Variants in SETBP1 observed in about 807,000 individuals in gnomAD.
SETBP1 encodes SET-binding protein.
In SETBP1, 9 loss-of-function variants were observed where a neutral mutation model predicts 101.0. That is an observed-to-expected ratio of 0.09 (90% CI 0.05 to 0.16). The LOEUF (loss-of-function observed/expected upper bound fraction) is 0.16. SETBP1 is among the 10% of genes least tolerant of loss of function. The probability of loss-of-function intolerance (pLI) is 1.00; values close to 1 mark genes in which losing one functional copy is unlikely to be tolerated. For synonymous variants in SETBP1, 818 were observed against 788.5 expected (o/e 1.04, Z -0.63); for missense variants, 1,858 against 2,033.8 (o/e 0.91, Z 1.66).
intron 3 of SETBP1, among the ~76,000 whole-genome samples, chr18:44,881,269 G>A (rs1206591516): frequency 6.6e-6 from 1 of 152,160 alleles, no homozygotes; most frequent in Non-Finnish European, 1.5e-5. Flanking sequence ...AATTAAATGA[G>A]CTTGATTCAC....
At position 44,792,492 on chromosome 18, in the gene SETBP1, C is replaced by T. The variant is rs577352731; in HGVS notation, c.487-76738C>T. Among the ~76,000 whole-genome samples, 4 of 152,298 alleles carry T rather than the reference C, an allele frequency of 2.6e-5. No individual in the cohort carries two copies. The East Asian group carries it at 5.8e-4, about 22-fold the overall frequency. ...CAAACTGTGCACCCAACTTTGGTTCCGGGTCTTTGGTGGTAGAGCCAGCAT... is the reference window on the plus strand; with the variant it reads ...CAAACTGTGCACCCAACTTTGGTTCTGGGTCTTTGGTGGTAGAGCCAGCAT... On this transcript the variant is annotated intron_variant, in intron 2 of 5. Transcript: ENST00000649279.
At chr18:44,714,410 C>T (rs1274529993) in intron 2 of SETBP1, among the ~76,000 whole-genome samples, 1 of 152,034 alleles carries the variant, frequency 6.6e-6, no homozygotes, top group Admixed American at 6.5e-5. Context: ...CCACGTTGGC[C>T]AGGCTGGTCT....
chr18:44,902,257 T>C (rs1034861357), intron 3 of SETBP1, among the ~76,000 whole-genome samples: 6 of 152,136 alleles, frequency 3.9e-5, no homozygotes, highest in African/African-American at 1.4e-4. Context: ...TCTCTCTGTC[T>C]CTTACAATTT....
chr18:44,951,838 G>C lies in SETBP1; in HGVS notation c.2498G>C (p.Arg833Thr). The change falls in exon 4 of 6, where the codon AGA becomes ACA. Residue 833 changes from arginine to threonine, a missense_variant. Around this residue, in one of 12 missense-constraint regions of SETBP1, gnomAD observed 121 missense variants for 138.0 expected, o/e 0.88. Transcript: ENST00000649279. The surrounding 1 kb of genome is among the most constrained non-coding windows in gnomAD (Gnocchi z 7.8). ...HSGTWKLSPPRLMANSPSHLC... is the reference protein window; with the variant it reads ...HSGTWKLSPPTLMANSPSHLC... Reference sequence around the variant, plus strand: ...GGAACCTGGAAGCTGTCTCCACCCAGACTGATGGCCAACTCCCCTTCACAC... The same window carrying C: ...GGAACCTGGAAGCTGTCTCCACCCACACTGATGGCCAACTCCCCTTCACAC... 6.2e-7 allele frequency: 1 copy of C among 1,614,056 alleles called. No individual in the cohort carries two copies. The highest frequency in any genetic ancestry group is 8.5e-7 in the Non-Finnish European group (1 of 1,180,022).
intron 3 of SETBP1, among the ~76,000 whole-genome samples, chr18:44,892,855 G>C (rs2069804681): frequency 6.6e-6 from 1 of 151,954 alleles, no homozygotes; most frequent in Admixed American, 6.6e-5. Context: ...TTATTAATAT[G>C]GTCTTCATCT....
chr18:44,795,834 A>G (rs1256331285), intron 2 of SETBP1, among the ~76,000 whole-genome samples: 1 of 152,170 alleles, frequency 6.6e-6, no homozygotes, highest in Non-Finnish European at 1.5e-5. Flanking sequence ...AGAGTAACAC[A>G]GAGATATTGT....
chr18:44,940,336 T>C (rs2071058749), intron 3 of SETBP1, among the ~76,000 whole-genome samples: 1 of 152,136 alleles, frequency 6.6e-6, no homozygotes, highest in South Asian at 2.1e-4. Context: ...TGCCTTTTAT[T>C]TTCTTGCAGT....
At chr18:44,797,676 C>T (rs1764894297) in intron 2 of SETBP1, among the ~76,000 whole-genome samples, 1 of 152,160 alleles carries the variant, frequency 6.6e-6, no homozygotes, top group South Asian at 2.1e-4. Context: ...GAACCCAGTA[C>T]TCTGGGGGCT....
intron 1 of SETBP1, among the ~76,000 whole-genome samples, chr18:44,692,104 A>T (rs994453684): frequency 2.0e-5 from 3 of 152,224 alleles, no homozygotes; most frequent in Non-Finnish European, 2.9e-5. Flanking sequence ...AGCAAGATGG[A>T]GGAGGTTGGT....
rs558055287 is a variant in SETBP1, at chr18:44,743,338, A to AAAC, written c.486+41519_486+41521dup. Reference sequence around the variant, plus strand: ...AAGGGTAAGAAAAAAAAGAAAAGAAAAACAACAACAACAACCGACCCTTCC... The same window carrying AAAC: ...AAGGGTAAGAAAAAAAAGAAAAGAAAAACAACAACAACAACAACCGACCCTTCC... On this transcript the variant is annotated intron_variant, in intron 2 of 5. Transcript: ENST00000649279. Among the ~76,000 whole-genome samples the AAAC allele has an allele frequency of 7.2e-5, 11 of 152,304 alleles. No homozygotes were observed. The South Asian group carries it at 1.7e-3, about 23-fold the overall frequency.
chr18:44,956,964 A>C (rs549105902), intron 4 of SETBP1, among the ~76,000 whole-genome samples: 4 of 152,276 alleles, frequency 2.6e-5, no homozygotes, highest in African/African-American at 9.6e-5. Context: ...TTTTGGTTTC[A>C]GAATGCAGTA....
At chr18:44,693,624 A>G (rs2068969072) in intron 1 of SETBP1, among the ~76,000 whole-genome samples, 2 of 152,146 alleles carry the variant, frequency 1.3e-5, no homozygotes, top group South Asian at 4.1e-4. Context: ...AGGATGAATA[A>G]TCAACCACTC....
At chr18:44,857,823 G>A (rs2144620073) in intron 2 of SETBP1, among the ~76,000 whole-genome samples, 1 of 152,244 alleles carries the variant, frequency 6.6e-6, no homozygotes, top group South Asian at 2.1e-4. Context: ...GAAGAGGTCT[G>A]GGGAGATCTA....
At chr18:44,780,240 C>G (rs2071097971) in intron 2 of SETBP1, among the ~76,000 whole-genome samples, 3 of 152,186 alleles carry the variant, frequency 2.0e-5, no homozygotes, top group Non-Finnish European at 4.4e-5. Context: ...CTTCCCCTGC[C>G]TTTTCCTAAT....
At chr18:44,714,340 A>G (rs545310607) in intron 2 of SETBP1, among the ~76,000 whole-genome samples, 1 of 152,190 alleles carries the variant, frequency 6.6e-6, no homozygotes, top group South Asian at 2.1e-4. Flanking sequence ...CTGGGACTAC[A>G]GGTGCATGCC....
chr18:44,843,173 C>T (rs1051290527), intron 2 of SETBP1, among the ~76,000 whole-genome samples: 1 of 152,172 alleles, frequency 6.6e-6, no homozygotes, highest in East Asian at 1.9e-4. Context: ...AGACAGCTCC[C>T]CAGGCAGCCA....
intron 2 of SETBP1, among the ~76,000 whole-genome samples, chr18:44,763,363 C>T (rs1045874881): frequency 3.9e-5 from 6 of 152,138 alleles, no homozygotes; most frequent in African/African-American, 7.2e-5. Context: ...AATTCAAATT[C>T]GTGTCCCGGT....
chr18:44,998,582 G>A (rs1287962004), intron 4 of SETBP1, among the ~76,000 whole-genome samples: 8 of 152,208 alleles, frequency 5.3e-5, no homozygotes, highest in Non-Finnish European at 1.2e-4. Flanking sequence ...TTCATATACA[G>A]CTAGATCTGT....
At chr18:44,708,788 G>A (rs989598115) in intron 2 of SETBP1, among the ~76,000 whole-genome samples, 1 of 152,250 alleles carries the variant, frequency 6.6e-6, no homozygotes, top group African/African-American at 2.4e-5. Flanking sequence ...GAAAAACAAA[G>A]CAGCATTTTC....
Sources: allele counts gnomAD v4.1 joint callset (sites outside exome capture counted in the v4.1 genomes callset), GRCh38; gene constraint gnomAD v4.1.1; regional missense constraint gnomAD v4.1.1; non-coding constraint Gnocchi (gnomAD v3.1); transcripts MANE v1.5; gene names NCBI Gene and HGNC (gene_info 2026-07-23, HGNC 2026-07-21).